PRMT8: variants seen among roughly 807,000 people sequenced by gnomAD.
PRMT8 encodes protein arginine methyltransferase 8, also known as protein arginine N-methyltransferase 8.
A neutral mutation model predicts 47.1 loss-of-function variants in PRMT8; 7 were observed. That is an observed-to-expected ratio of 0.15 (90% CI 0.08 to 0.28). The LOEUF (loss-of-function observed/expected upper bound fraction) is 0.28, where lower values mean the gene tolerates loss of function less well. Among genes scored for constraint, PRMT8 ranks in the 10% least tolerant of loss-of-function variants. The pLI, the probability that PRMT8 is intolerant of heterozygous loss-of-function variation, is 1.00. For synonymous variants in PRMT8, 188 were observed against 186.5 expected, an observed-to-expected ratio of 1.01 and a Z score of -0.07; for missense variants, 237 against 505.4, an observed-to-expected ratio of 0.47 and a Z score of 5.09.
At chr12:3,499,064 T>C (rs1448343549) in intron 1 of PRMT8, among the ~76,000 whole-genome samples, 2 of 152,180 alleles carry the variant, frequency 1.3e-5, no homozygotes, top group African/African-American at 4.8e-5. Context: ...TCTATACGTC[T>C]TCTTATAAGG....
At position 3,528,679 on chromosome 12, in the gene PRMT8, T is replaced by A. The variant is rs116241409; in HGVS notation, c.76-11927T>A. On this transcript the variant is annotated intron_variant, in intron 1 of 9. Transcript: ENST00000382622. ...TTTTTTTTCTTCTTTATAGGTAGTA[T>A]TTTCTTGCTTCTTTGCAAGCCTAGT... Among the ~76,000 whole-genome samples the A allele has an allele frequency of 4.5e-3, 692 of 152,308 alleles. 2 individuals carry two copies. The highest frequency in any genetic ancestry group is 0.014 in the African/African-American group (595 of 41,566).
At chr12:3,390,918 A>G (rs935322816) in intron 1 of PRMT8, among the ~76,000 whole-genome samples, 1 of 152,234 alleles carries the variant, frequency 6.6e-6, no homozygotes, top group Non-Finnish European at 1.5e-5. Flanking sequence ...GGCTGAGCGA[A>G]TAGCTCTGGA....
chr12:3,381,890 C>T (rs915644002), intron 1 of PRMT8, among the ~76,000 whole-genome samples: 2 of 152,140 alleles, frequency 1.3e-5, no homozygotes, highest in African/African-American at 4.8e-5. Context: ...GAGGAGACTC[C>T]TTCTTTTATC....
At chr12:3,506,726 G>A (rs1262744714) in intron 1 of PRMT8, among the ~76,000 whole-genome samples, 1 of 152,014 alleles carries the variant, frequency 6.6e-6, no homozygotes, top group Non-Finnish European at 1.5e-5. Context: ...TCTACGGGAG[G>A]CTCCCTCGAG....
chr12:3,412,410 C>T (rs1864440363), intron 1 of PRMT8, among the ~76,000 whole-genome samples: 1 of 152,198 alleles, frequency 6.6e-6, no homozygotes, highest in South Asian at 2.1e-4. Flanking sequence ...ACTTAGGCTA[C>T]ATTAAGTTTA....
At chr12:3,401,882 T>G (rs1479560236) in intron 1 of PRMT8, among the ~76,000 whole-genome samples, 1 of 152,186 alleles carries the variant, frequency 6.6e-6, no homozygotes, top group Non-Finnish European at 1.5e-5. Context: ...GAGGAATCAA[T>G]ATCGTGAAAA....
At chr12:3,530,484 A>G (rs761465191) in intron 1 of PRMT8, among the ~76,000 whole-genome samples, 1 of 152,226 alleles carries the variant, frequency 6.6e-6, no homozygotes, top group Non-Finnish European at 1.5e-5. Flanking sequence ...AACATAGCCC[A>G]TAGTTTCAGA....
intron 1 of PRMT8, among the ~76,000 whole-genome samples, chr12:3,425,738 G>A (rs544088483): frequency 2.0e-5 from 3 of 152,336 alleles, no homozygotes; most frequent in Admixed American, 1.3e-4. Flanking sequence ...AGCTTCTCTC[G>A]CTTTACAGTG....
intron 1 of PRMT8, among the ~76,000 whole-genome samples, chr12:3,507,675 C>T (rs1865651674): frequency 6.6e-6 from 1 of 151,870 alleles, no homozygotes; most frequent in African/African-American, 2.4e-5. Flanking sequence ...AAATTGACGA[C>T]TACTCTTATT....
chr12:3,582,706 C>G (rs540872515), intron 7 of PRMT8, among the ~76,000 whole-genome samples: 2 of 152,158 alleles, frequency 1.3e-5, no homozygotes, highest in African/African-American at 2.4e-5. Flanking sequence ...GTGGACCACT[C>G]GAGGCTGCTC....
At chr12:3,411,359 T>G (rs971249336) in intron 1 of PRMT8, among the ~76,000 whole-genome samples, 3 of 152,220 alleles carry the variant, frequency 2.0e-5, no homozygotes, top group African/African-American at 7.2e-5. Flanking sequence ...ACTACAAAAT[T>G]TCATTGCTTT....
At chr12:3,497,713 T>A (rs988304781) in intron 1 of PRMT8, among the ~76,000 whole-genome samples, 1 of 148,094 alleles carries the variant, frequency 6.8e-6, no homozygotes, top group African/African-American at 2.5e-5. Context: ...TCACTTGTTA[T>A]AAGAATTCCC....
Position 3,492,024 on chromosome 12 carries a change from C to G in PRMT8, c.75+324C>G, listed in dbSNP as rs530349235. Among the ~76,000 whole-genome samples, 116 of 152,186 alleles carry G rather than the reference C, an allele frequency of 7.6e-4. No homozygotes were observed. The highest frequency in any genetic ancestry group is 1.2e-3 in the Non-Finnish European group (79 of 67,990). ...CCGCCCCCAAGTCCCAAACCCCGGG[C>G]AGCCGCGCTCCCCTGCCCTCTCCTC... On this transcript the variant is annotated intron_variant, in intron 1 of 9. Transcript: ENST00000382622. The surrounding 1 kb of genome is among the most constrained non-coding windows in gnomAD (Gnocchi z 7.5).
chr12:3,491,065 GAGACTA>G (rs1436890060), upstream of PRMT8: 1 of 709,828 alleles, frequency 1.4e-6, no homozygotes, highest in Non-Finnish European at 1.7e-6. Context: ...GAGACCCTCG[GAGACTA>G]GGGGAGGGGG....
rs918653934 is a variant in PRMT8 at position 3,456,258 on chromosome 12, C to T, written c.48+74816C>T. Among the ~76,000 whole-genome samples the T allele has an allele frequency of 6.6e-6, 1 of 152,210 alleles. No homozygotes were observed. The highest frequency in any genetic ancestry group is 2.4e-5 in the African/African-American group (1 of 41,456). On this transcript the variant is annotated intron_variant, in intron 1 of 9. Transcript: ENST00000452611. The surrounding 1 kb of genome is among the most constrained non-coding windows in gnomAD (Gnocchi z 4.2). ...AGCCTCCCCTTGCCTGCAGTTCTTC[C>T]GGCCTCACTGTTCTCCATGGCCCAA...
At chr12:3,485,287 C>T (rs548881047) in intron 1 of PRMT8, among the ~76,000 whole-genome samples, 36 of 152,238 alleles carry the variant, frequency 2.4e-4, no homozygotes, top group African/African-American at 7.9e-4. Flanking sequence ...AACAGGATTA[C>T]GTCTTTTATT....
In PRMT8 at chr12:3,592,114, G is replaced by A. The variant is rs969255680; in HGVS notation, c.980-117G>A. On this transcript the variant is annotated intron_variant, in intron 8 of 9. Transcript: ENST00000382622. ...CCCAACAAGAGTACTGGGGTGGGTG[G>A]TTTCAGTGAGTCCCAGGGGAAGCCC... The A allele has an allele frequency of 1.3e-4, 156 of 1,234,526 alleles. 1 individual carries two copies. The highest frequency in any genetic ancestry group is 1.7e-4 in the Non-Finnish European group (154 of 917,516). The allele number at this position is 1,234,526 out of a possible 1,614,324, so 76.5% of individuals were successfully genotyped here.
chr12:3,589,222 T>G (rs1203705573), intron 8 of PRMT8, among the ~76,000 whole-genome samples: 1 of 152,202 alleles, frequency 6.6e-6, no homozygotes, highest in Non-Finnish European at 1.5e-5. Context: ...TTAATCATTA[T>G]GCCAGGAAAA....
At chr12:3,422,685 A>G (rs1856343201) in intron 1 of PRMT8, among the ~76,000 whole-genome samples, 3 of 152,204 alleles carry the variant, frequency 2.0e-5, no homozygotes, top group Admixed American at 2.0e-4. Flanking sequence ...TATAGATAAC[A>G]CAAGCAGTTA....
Sources: allele counts gnomAD v4.1 joint callset (sites outside exome capture counted in the v4.1 genomes callset), GRCh38; gene constraint gnomAD v4.1.1; non-coding constraint Gnocchi (gnomAD v3.1); transcripts MANE v1.5; gene names NCBI Gene and HGNC (gene_info 2026-07-23, HGNC 2026-07-21).